TLR8: variants seen among roughly 807,000 people sequenced by gnomAD.
TLR8 encodes the protein toll like receptor 8, also known as toll-like receptor 8.
Under a neutral mutation model 18.5 loss-of-function variants are expected in TLR8, and 5 were observed. The ratio of observed to expected loss-of-function variants is 0.27; its 90% CI spans 0.14 to 0.57. TLR8 has a LOEUF of 0.57. TLR8 is among the 20% of genes least tolerant of loss of function. The pLI is 0.92. For missense variants in TLR8, 543 were observed against 769.8 expected (o/e 0.71, Z 3.49); for synonymous variants, 299 against 300.1 (o/e 1.00, Z 0.04).
chrX:12,910,212 C>G (rs2043011595), intron 1 of TLR8: 1 of 856,497 alleles, frequency 1.2e-6, no homozygotes, highest in Admixed American at 4.5e-5. Flanking sequence ...TATTTCCAGT[C>G]TGGCAAAAAT....
chrX:12,911,964 C>T (rs2043023662), intron 1 of TLR8, among the ~76,000 whole-genome samples: 1 of 112,644 alleles, frequency 8.9e-6, no homozygotes, highest in Admixed American at 9.3e-5. Context: ...TCCTCCTACA[C>T]TTTCTTTGAT....
intron 1 of TLR8, among the ~76,000 whole-genome samples, chrX:12,913,799 T>A (rs1379730581): frequency 1.8e-5 from 2 of 112,259 alleles, no homozygotes; most frequent in African/African-American, 6.5e-5. Flanking sequence ...TTAATTTAGA[T>A]TCCTGCCAGC....
intron 1 of TLR8, among the ~76,000 whole-genome samples, chrX:12,917,073 C>T (rs924214924): frequency 6.3e-5 from 7 of 111,885 alleles, no homozygotes; most frequent in Non-Finnish European, 1.1e-4. Flanking sequence ...CGCCTTCAAA[C>T]GCTCGTATGA....
intron 1 of TLR8, among the ~76,000 whole-genome samples, chrX:12,909,331 T>A (rs1358300313): frequency 1.8e-5 from 2 of 112,039 alleles, no homozygotes; most frequent in East Asian, 5.5e-4. Context: ...TGTTAGTGTA[T>A]TTTATGTGTG....
chrX:12,921,547 T>G lies in TLR8; in HGVS notation c.2507T>G (p.Phe836Cys), dbSNP rs1156956394. ...VTAVILFFFTFFITTMVMLAA... is the reference protein window; with the variant it reads ...VTAVILFFFTCFITTMVMLAA... ...GCAGTGATATTATTTTTCTTCACGT[T>G]CTTTATCACCACCATGGTTATGTTG... The change falls in exon 2 of 2, where the codon TTC becomes TGC. Residue 836 changes from phenylalanine (F) to cysteine (C), a missense_variant. Physicochemically the swap from Phe to Cys is radical, Grantham distance 205. Transcript: ENST00000218032. 1 of 1,212,016 alleles carries G rather than the reference T, an allele frequency of 8.3e-7. No individual in the cohort carries two copies. Among genetic ancestry groups the G allele is most frequent in the East Asian group, 3.0e-5 (1 of 33,857 alleles).
chrX:12,908,448 G>T (rs1278767291), intron 1 of TLR8: 1 of 112,864 alleles, frequency 8.9e-6, no homozygotes, highest in Admixed American at 9.3e-5. Context: ...GCCAATGGAG[G>T]TCAAGGACCT....
intron 1 of TLR8, among the ~76,000 whole-genome samples, chrX:12,917,448 T>C (rs746825227): frequency 8.9e-5 from 10 of 112,373 alleles, no homozygotes; most frequent in Non-Finnish European, 1.9e-4. Flanking sequence ...ATAAAGGTGT[T>C]AGTTCACCGG....
intron 1 of TLR8, among the ~76,000 whole-genome samples, chrX:12,916,096 G>A (rs5741885): frequency 0.43 from 47,529 of 109,763 alleles, 7,751 homozygotes; most frequent in East Asian, 0.79. Context: ...GGCCAGGCTG[G>A]TCTCGAACTC....
In TLR8 at chrX:12,922,807, AC is replaced by A. The variant is rs2043105519; in HGVS notation, c.*643del. 1 of 112,118 alleles carries A rather than the reference AC, an allele frequency of 8.9e-6. No individual in the cohort carries two copies. Among genetic ancestry groups the A allele is most frequent in the African/African-American group, 3.2e-5 (1 of 30,804 alleles). 9.2% of individuals were successfully genotyped at this position (112,118 alleles called of 1,213,427 possible). On this transcript the variant is annotated 3_prime_UTR_variant, in exon 2 of 2. Transcript: ENST00000218032. ...TATCAGGAGGCAGGGATCACTGTGG[AC>A]CATCTTAGCAGTTGACCTAACACAT... is the stretch of plus-strand genomic sequence containing the variant.
At chrX:12,917,633 G>A (rs1376391928) in intron 1 of TLR8, among the ~76,000 whole-genome samples, 3 of 111,968 alleles carry the variant, frequency 2.7e-5, no homozygotes, top group Non-Finnish European at 5.6e-5. Flanking sequence ...TCTGTTTATT[G>A]CATTGTATGG....
At position 12,921,715 on chromosome X, in the gene TLR8, C is replaced by A; in HGVS notation, c.2675C>A (p.Ser892Tyr). The A allele has an allele frequency of 8.3e-7, 1 of 1,211,262 alleles. No individual in the cohort carries two copies. Among genetic ancestry groups the A allele is most frequent in the Non-Finnish European group, 1.1e-6 (1 of 895,304 alleles). The change falls in exon 2 of 2, where the codon TCT becomes TAT. Residue 892 changes from serine to tyrosine, a missense_variant. Coordinates refer to ENST00000218032, the MANE Select transcript of TLR8 (RefSeq NM_138636.5). ...ATTTCTTATGACACCAAAGATGCCT[C>A]TGTTACTGACTGGGTGATAAATGAG... ...AYISYDTKDA[S>Y]VTDWVINELR...
chrX:12,918,318 A>G (rs1429412387), intron 1 of TLR8, among the ~76,000 whole-genome samples: 1 of 111,062 alleles, frequency 9.0e-6, no homozygotes. Flanking sequence ...TTGCATCTGA[A>G]CTCTCCTTGG....
Position 12,920,227 on chromosome X carries a change from T to C in TLR8, c.1187T>C (p.Leu396Ser). 8.3e-7 allele frequency: 1 copy of C among 1,207,320 alleles called. No individual in the cohort carries two copies. ...CAGCCCCTGATGCAGCTTCCAAACT[T>C]ATCGACTATCAACTTGGGTATTAAT... Reference protein sequence around the residue: ...DFQPLMQLPNLSTINLGINFI... With the variant: ...DFQPLMQLPNSSTINLGINFI... Residue 396 changes from leucine to serine, a missense_variant, in exon 2 of 2, where the codon TTA becomes TCA. By Grantham distance (145) the Leu-to-Ser change is moderately radical. Transcript: ENST00000218032.
Position 12,920,938 on chromosome X carries a change from C to T in TLR8, c.1898C>T (p.Ser633Phe). The change falls in exon 2 of 2, where the codon TCC (serine) becomes TTC (phenylalanine). Residue 633 changes from serine to phenylalanine, a missense_variant. Coordinates refer to ENST00000218032, the MANE Select transcript of TLR8 (RefSeq NM_138636.5). ...LWNDDDNRYI[S>F]IFKGLKNLTR... ...AATGATGATGACAACAGGTATATCT[C>T]CATTTTCAAAGGTCTCAAGAATCTG... The T allele has an allele frequency of 8.3e-7, 1 of 1,210,788 alleles. No individual in the cohort carries two copies. The highest frequency in any genetic ancestry group is 1.1e-6 in the Non-Finnish European group (1 of 894,917).
chrX:12,910,428 A>G, intron 1 of TLR8: 1 of 1,167,751 alleles, frequency 8.6e-7, no homozygotes, highest in Middle Eastern at 2.3e-4. Context: ...CAGCCTGGGA[A>G]AGGAGACTAA....
rs1196074830 is a variant in TLR8, at chrX:12,920,285, A to T, written c.1245A>T (p.Gln415His). The change falls in exon 2 of 2, where the codon CAA (glutamine) becomes CAT (histidine). Residue 415 changes from glutamine to histidine, a missense_variant. Physicochemically the swap from Gln to His is conservative, Grantham distance 24 (BLOSUM62 0). Coordinates refer to ENST00000218032, the MANE Select transcript of TLR8 (RefSeq NM_138636.5). ...FIKQIDFKLF[Q>H]NFSNLEIIYL... ...AGCAAATCGATTTCAAACTTTTCCA[A>T]AATTTCTCCAATCTGGAAATTATTT... 1 of 1,206,174 alleles carries T rather than the reference A, an allele frequency of 8.3e-7. No individual in the cohort carries two copies. Among genetic ancestry groups the T allele is most frequent in the Non-Finnish European group, 1.1e-6 (1 of 893,726 alleles).
intron 1 of TLR8, among the ~76,000 whole-genome samples, chrX:12,913,894 G>A (rs1483186226): frequency 8.9e-6 from 1 of 112,312 alleles, no homozygotes; most frequent in Non-Finnish European, 1.9e-5. Flanking sequence ...ATTTTTGAGT[G>A]AGGTTGAGTA....
At chrX:12,906,953 C>G (rs890123803) in intron 1 of TLR8, among the ~76,000 whole-genome samples, 3 of 112,215 alleles carry the variant, frequency 2.7e-5, no homozygotes, top group African/African-American at 9.7e-5. Context: ...CAGTGATGAT[C>G]TTACTAATTT....
In TLR8 at chrX:12,907,354, G is replaced by T. The variant is rs146965588; in HGVS notation, c.3+645G>T. 5.2e-3 allele frequency among the ~76,000 whole-genome samples: 581 copies of T among 112,113 alleles called. 3 individuals carry two copies. Among genetic ancestry groups the T allele is most frequent in the African/African-American group, 0.018 (548 of 30,855 alleles). ...TAGCAGGTGGTCCGTTTTTGTTATT[G>T]TCAAGAACTGTCAGACTAAAAATGA... is the stretch of plus-strand genomic sequence containing the variant. On this transcript the variant is annotated intron_variant, in intron 1 of 1. Transcript: ENST00000218032.
Sources: allele counts gnomAD v4.1 joint callset (sites outside exome capture counted in the v4.1 genomes callset), GRCh38; gene constraint gnomAD v4.1.1; transcripts MANE v1.5; gene names NCBI Gene and HGNC (gene_info 2026-07-23, HGNC 2026-07-21).